ZDHHC1: variants seen among roughly 807,000 people sequenced by gnomAD.
The protein encoded by ZDHHC1 is zDHHC palmitoyltransferase 1.
A neutral mutation model predicts 46.9 loss-of-function variants in ZDHHC1; 45 were observed. The ratio of observed to expected loss-of-function variants is 0.96; its 90% CI spans 0.76 to 1.23. The LOEUF is 1.23. ZDHHC1 is among the 50% of genes most tolerant of loss of function. The pLI is 0.00. For synonymous variants in ZDHHC1, 291 were observed against 286.0 expected (o/e 1.02, Z -0.18); for missense variants, 649 against 670.8 (o/e 0.97, Z 0.36).
intron 1 of ZDHHC1, among the ~76,000 whole-genome samples, chr16:67,415,179 C>T (rs193268137): frequency 1.6e-3 from 237 of 152,030 alleles, no homozygotes; most frequent in Non-Finnish European, 2.9e-3. Flanking sequence ...ACTCTTCTGC[C>T]GCTTGCAGTG....
rs926361708 is a variant in ZDHHC1 at position 67,394,622 on chromosome 16, A to G, written c.1437T>C (p.Ala479=). ...GEPRAPGGRE[A]GLA Reference sequence around the variant, plus strand: ...CCTCTCGGCCCAGCTAAGCCAGACCAGCCTCCCGGCCGCCCGGCGCCCTGG... The same window carrying G: ...CCTCTCGGCCCAGCTAAGCCAGACCGGCCTCCCGGCCGCCCGGCGCCCTGG... The change falls in exon 12 of 12, where the codon GCT becomes GCC. Residue 479 remains alanine, a synonymous_variant. Transcript: ENST00000565726. The G allele has an allele frequency of 5.9e-6, 7 of 1,195,168 alleles. No individual in the cohort carries two copies. The East Asian group carries it at 2.7e-4, about 47-fold the overall frequency. The allele number at this position is 1,195,168 out of a possible 1,614,324, so 74.0% of individuals were successfully genotyped here.
intron 1 of ZDHHC1, among the ~76,000 whole-genome samples, chr16:67,411,033 G>A (rs796430418): frequency 3.5e-4 from 53 of 152,018 alleles, no homozygotes; most frequent in African/African-American, 9.4e-4. Flanking sequence ...TTCTCATTAC[G>A]AACTACATTA....
chr16:67,397,390 G>A (rs1041470745), intron 8 of ZDHHC1, among the ~76,000 whole-genome samples: 7 of 152,176 alleles, frequency 4.6e-5, no homozygotes, highest in Non-Finnish European at 8.8e-5. Context: ...CAGTGGAGTC[G>A]CCACCCACAG....
rs750771899 is a variant in ZDHHC1, at chr16:67,395,065, G to T, written c.1105-3C>A. The T allele has an allele frequency of 6.2e-7, 1 of 1,613,246 alleles. No homozygotes were observed. The highest frequency in any genetic ancestry group is 1.7e-5 in the Admixed American group (1 of 59,998). The stretch of plus-strand genomic sequence containing the variant: ...TACACGCGCCTCTTCCTCTTTTTCT[G>T]CAGAGACACGGGGGAGCCTGAGGGC... On this transcript the variant is annotated splice_region_variant and splice_polypyrimidine_tract_variant and intron_variant, in intron 10 of 11. Transcript: ENST00000565726.
chr16:67,397,869 A>T (rs865923376), intron 8 of ZDHHC1, among the ~76,000 whole-genome samples: 1 of 152,172 alleles, frequency 6.6e-6, no homozygotes, highest in Non-Finnish European at 1.5e-5. Flanking sequence ...AGGAGAAGTG[A>T]TGGCTCCATC....
At chr16:67,408,553 G>A (rs2040701959) in intron 1 of ZDHHC1, among the ~76,000 whole-genome samples, 1 of 151,158 alleles carries the variant, frequency 6.6e-6, no homozygotes, top group East Asian at 2.0e-4. Context: ...GTGGCGCAAT[G>A]ATAGCTCACT....
chr16:67,398,104 G>A lies in ZDHHC1; in HGVS notation c.927+108C>T, dbSNP rs576501684. On this transcript the variant is annotated intron_variant, in intron 8 of 11. Transcript: ENST00000565726. ...ACAAGCCCGGTCCCTGCTGCCCCCAGCGGCTGTTCCAGGCTTGCCTCCCTT... is the reference window on the plus strand; with the variant it reads ...ACAAGCCCGGTCCCTGCTGCCCCCAACGGCTGTTCCAGGCTTGCCTCCCTT... 9.3e-5 allele frequency: 101 copies of A among 1,083,774 alleles called. 1 individual carries two copies. The South Asian group carries it at 1.3e-3, about 14-fold the overall frequency. The allele number at this position is 1,083,774 out of a possible 1,614,324, so 67.1% of individuals were successfully genotyped here. A position where few individuals can be genotyped will look rare whatever the true frequency, so the allele number is the denominator to read the frequency against.
chr16:67,403,862 C>T (rs72790331), intron 3 of ZDHHC1, among the ~76,000 whole-genome samples: 6,707 of 152,226 alleles, frequency 0.044, 206 homozygotes, highest in Non-Finnish European at 0.064. Flanking sequence ...GATCCATCCG[C>T]GTCGGTCTCC....
intron 1 of ZDHHC1, among the ~76,000 whole-genome samples, chr16:67,409,893 A>C (rs2040723022): frequency 6.6e-6 from 1 of 151,298 alleles, no homozygotes; most frequent in Admixed American, 6.7e-5. Flanking sequence ...ACGGACACGA[A>C]CAGATACCAG....
chr16:67,408,305 A>G (rs1278056881), intron 1 of ZDHHC1, among the ~76,000 whole-genome samples: 1 of 151,406 alleles, frequency 6.6e-6, no homozygotes, highest in Non-Finnish European at 1.5e-5. Flanking sequence ...AGCTGGAAGT[A>G]CAGGCACGCA....
intron 1 of ZDHHC1, among the ~76,000 whole-genome samples, chr16:67,415,765 A>G (rs547158438): frequency 3.7e-4 from 57 of 152,308 alleles, no homozygotes; most frequent in Middle Eastern, 3.4e-3. Context: ...CGTCTCAAAG[A>G]AAAAACTAAA....
At chr16:67,396,544 C>T (rs1489406701) in intron 8 of ZDHHC1, among the ~76,000 whole-genome samples, 2 of 152,102 alleles carry the variant, frequency 1.3e-5, no homozygotes, top group Admixed American at 1.3e-4. Context: ...CAGAGAGGGG[C>T]CCCTCCCGCA....
Position 67,394,412 on chromosome 16 carries a change from C to T in ZDHHC1, c.*198G>A, listed in dbSNP as rs2040372491. 2 of 314,508 alleles carry T rather than the reference C, an allele frequency of 6.4e-6. No homozygotes were observed. Among genetic ancestry groups the T allele is most frequent in the East Asian group, 1.1e-4 (1 of 9,256 alleles). 19.5% of individuals were successfully genotyped at this position (314,508 alleles called of 1,614,324 possible). A position where few individuals can be genotyped will look rare whatever the true frequency, so the allele number is the denominator to read the frequency against. ...TGGCCCCTGCCATTAAGAAAGTAAGCGCGACGTCCGCAAAAGCATAAAAAA... is the reference window on the plus strand; with the variant it reads ...TGGCCCCTGCCATTAAGAAAGTAAGTGCGACGTCCGCAAAAGCATAAAAAA... On this transcript the variant is annotated 3_prime_UTR_variant, in exon 12 of 12. Transcript: ENST00000565726.
At chr16:67,395,392 G>C (rs1422701944) in intron 9 of ZDHHC1, 92 bp downstream of exon 9, 26 of 1,532,772 alleles carry the variant, frequency 1.7e-5, no homozygotes, top group Non-Finnish European at 2.1e-5. Flanking sequence ...CCTGACCCAT[G>C]CCCCGACCTT....
Position 67,394,727 on chromosome 16 carries a change from C to T in ZDHHC1, c.1332G>A (p.Pro444=). ...TRLGSAALAA[P]RGRGRQPTLA... is the part of the protein sequence containing the mutation. ...GCGTGGGCTGTCGGCCCCGGCCCCG[C>T]GGGGCGGCCAGAGCGGCGCTGCCCA... Residue 444 remains proline, a synonymous_variant, in exon 12 of 12, where the codon CCG becomes CCA. Transcript: ENST00000565726. 3.6e-6 allele frequency: 5 copies of T among 1,384,038 alleles called. No homozygotes were observed. The highest frequency in any genetic ancestry group is 4.7e-6 in the Non-Finnish European group (5 of 1,074,176). The allele number at this position is 1,384,038 out of a possible 1,614,324, so 85.7% of individuals were successfully genotyped here. A position where few individuals can be genotyped will look rare whatever the true frequency, so the allele number is the denominator to read the frequency against.
chr16:67,399,858 C>T (rs925052623), intron 4 of ZDHHC1, among the ~76,000 whole-genome samples: 9 of 152,192 alleles, frequency 5.9e-5, no homozygotes, highest in Non-Finnish European at 8.8e-5. Context: ...CTGCCCTTCC[C>T]GACACCTCCG....
At chr16:67,410,384 C>A (rs899602366) in intron 1 of ZDHHC1, among the ~76,000 whole-genome samples, 1 of 152,156 alleles carries the variant, frequency 6.6e-6, no homozygotes, top group Admixed American at 6.5e-5. Flanking sequence ...TCTTCATGTA[C>A]CTTCTACTGC....
At chr16:67,416,047 G>A (rs1382877300) in intron 1 of ZDHHC1, 124 bp downstream of exon 1, 1 of 152,216 alleles carries the variant, frequency 6.6e-6, no homozygotes, top group Non-Finnish European at 1.5e-5. Flanking sequence ...GCTCTGCCGG[G>A]GCCCTGGAAC....
In ZDHHC1 at chr16:67,400,988, C is replaced by G; in HGVS notation, c.397G>C (p.Asp133His). The G allele has an allele frequency of 1.2e-6, 2 of 1,614,112 alleles. No homozygotes were observed. Among genetic ancestry groups the G allele is most frequent in the Admixed American group, 3.3e-5 (2 of 60,024 alleles). The change falls in exon 4 of 12, where the codon GAC becomes CAC. Residue 133 changes from aspartate to histidine, a missense_variant. By Grantham distance (81) the Asp-to-His change is moderately conservative. Transcript: ENST00000565726. Reference sequence around the variant, plus strand: ...ACGTTGCACAAGTTGCAGTGCAGGTCTTCAATGACATGTGCGTGCTGGCTT... The same window carrying G: ...ACGTTGCACAAGTTGCAGTGCAGGTGTTCAATGACATGTGCGTGCTGGCTT... ...NRSQHAHVIEDLHCNLCNVDV... is the reference protein window; with the variant it reads ...NRSQHAHVIEHLHCNLCNVDV...
Sources: gnomAD v4.1 joint callset for allele counts (sites outside exome capture counted in the v4.1 genomes callset) on GRCh38, gnomAD v4.1.1 for gene constraint, MANE v1.5 for transcripts, NCBI Gene and HGNC (gene_info 2026-07-23, HGNC 2026-07-21) for gene names.